The following STXBP5 variants were observed in gnomAD, a reference collection of about 807,000 sequenced individuals.
The protein encoded by STXBP5 is syntaxin-binding protein 5.
In STXBP5, 50 loss-of-function variants were observed where a neutral mutation model predicts 152.4. That is an observed-to-expected ratio of 0.33 (90% CI 0.26 to 0.42). The LOEUF (loss-of-function observed/expected upper bound fraction) is 0.42, where lower values mean the gene tolerates loss of function less well. Ranked by LOEUF, STXBP5 falls within the 10% of genes least tolerant of loss-of-function variation. STXBP5 has a pLI of 1.00. For synonymous variants in STXBP5, 492 were observed against 494.7 expected, an observed-to-expected ratio of 0.99 and a Z score of 0.07; for missense variants, 1,167 against 1,388.6, an observed-to-expected ratio of 0.84 and a Z score of 2.54.
intron 10 of STXBP5, 58 bp downstream of exon 10, chr6:147,310,296 A>AG: frequency 1.5e-6 from 2 of 1,313,506 alleles, no homozygotes; most frequent in Non-Finnish European, 2.0e-6. Flanking sequence ...AAAAAAAAAA[A>AG]AAAGACCTAG....
chr6:147,310,305 AGGTTGTTT>A, intron 10 of STXBP5, 67 bp downstream of exon 10: 2 of 1,207,372 alleles, frequency 1.7e-6, no homozygotes, highest in Non-Finnish European at 2.1e-6. Context: ...AAAAAGACCT[AGGTTGTTT>A]AGATAAAACT....
At chr6:147,248,324 T>A (rs1209457729) in intron 4 of STXBP5, among the ~76,000 whole-genome samples, 1 of 151,694 alleles carries the variant, frequency 6.6e-6, no homozygotes, top group East Asian at 1.9e-4. Flanking sequence ...AATGAACTGA[T>A]AAACAGAATG....
chr6:147,345,318 G>A lies in STXBP5; in HGVS notation c.2254+5934G>A, dbSNP rs574425337. Among the ~76,000 whole-genome samples the A allele has an allele frequency of 1.1e-4, 16 of 152,256 alleles. No homozygotes were observed. The South Asian group carries it at 3.1e-3, about 30-fold the overall frequency. ...ACTCCTGGGATGTTTTAGCATGGGA[G>A]ATAGACATTGGTATTATTAGTTCTA... On this transcript the variant is annotated intron_variant, in intron 21 of 27. Coordinates refer to ENST00000321680, the MANE Select transcript of STXBP5 (RefSeq NM_001127715.4).
intron 21 of STXBP5, among the ~76,000 whole-genome samples, chr6:147,349,092 TATA>T: frequency 6.6e-6 from 1 of 152,090 alleles, no homozygotes; most frequent in Non-Finnish European, 1.5e-5. Context: ...AGTAAGAGAA[TATA>T]ATCTGATATA....
intron 11 of STXBP5, 114 bp downstream of exon 11, chr6:147,311,641 C>T: frequency 2.7e-6 from 2 of 746,246 alleles, no homozygotes; most frequent in Non-Finnish European, 2.1e-6. Context: ...ATATCCATAA[C>T]CTTGACCTCT....
intron 4 of STXBP5, among the ~76,000 whole-genome samples, chr6:147,252,877 G>A (rs1013073205): frequency 6.6e-6 from 1 of 152,098 alleles, no homozygotes; most frequent in African/African-American, 2.4e-5. Context: ...TTCCACCAGA[G>A]GTACAAAGAG....
intron 23 of STXBP5, among the ~76,000 whole-genome samples, chr6:147,361,500 G>A (rs1053645078): frequency 7.2e-5 from 11 of 152,204 alleles, no homozygotes; most frequent in Non-Finnish European, 1.5e-4. Flanking sequence ...TCATGTCATC[G>A]GTATTGGAGC....
chr6:147,227,629 T>C (rs1777784344), intron 2 of STXBP5, among the ~76,000 whole-genome samples: 1 of 152,214 alleles, frequency 6.6e-6, no homozygotes, highest in African/African-American at 2.4e-5. Flanking sequence ...CTGTCAATTA[T>C]GCATACTAGC....
intron 9 of STXBP5, 41 bp from the exon 10 acceptor site, chr6:147,310,043 T>C (rs763296612): frequency 7.4e-7 from 1 of 1,356,168 alleles, no homozygotes; most frequent in Non-Finnish European, 9.8e-7. Context: ...AAATTATCTT[T>C]ACTATGCCAT....
At chr6:147,372,406 CCTTTTTTTTTTTTTTTTTTTT>C (rs1562274987) in intron 25 of STXBP5, among the ~76,000 whole-genome samples, 1,810 of 39,044 alleles carry the variant, frequency 0.046, 279 homozygotes, top group Admixed American at 0.12. Context: ...CCGTCCTTTT[CCTTTTTTTTTTTTTTTTTTTT>C]TTTTTTTTTT....
chr6:147,213,865 A>G (rs1562412841), intron 2 of STXBP5, among the ~76,000 whole-genome samples: 1 of 152,162 alleles, frequency 6.6e-6, no homozygotes, highest in Non-Finnish European at 1.5e-5. Context: ...TTCACTATTA[A>G]TACCTTTTAG....
At chr6:147,251,902 T>G (rs1455513600) in intron 4 of STXBP5, among the ~76,000 whole-genome samples, 1 of 152,146 alleles carries the variant, frequency 6.6e-6, no homozygotes, top group East Asian at 1.9e-4. Flanking sequence ...GGCAGCAATA[T>G]TTGCTGTTCT....
intron 8 of STXBP5, among the ~76,000 whole-genome samples, chr6:147,288,055 T>C (rs1781078851): frequency 1.3e-5 from 2 of 152,294 alleles, no homozygotes; most frequent in South Asian, 4.1e-4. Context: ...GGCAGCCTTT[T>C]AGACCGCCAT....
chr6:147,213,477 T>TGTGCGCGCGCGCGCGCGCGCGCGCGC, intron 2 of STXBP5, among the ~76,000 whole-genome samples: 3 of 131,274 alleles, frequency 2.3e-5, no homozygotes, highest in Admixed American at 1.5e-4. Flanking sequence ...TGTGTGTGTG[T>TGTGCGCGCGCGCGCGCGCGCGCGCGC]GCGCGCGCAT....
intron 9 of STXBP5, among the ~76,000 whole-genome samples, chr6:147,306,265 A>G (rs145060183): frequency 1.6e-3 from 244 of 152,264 alleles, no homozygotes; most frequent in African/African-American, 5.5e-3. Flanking sequence ...GGTTTTGGGG[A>G]TGCAGAGCTA....
chr6:147,241,540 T>G (rs1778542484), intron 4 of STXBP5, among the ~76,000 whole-genome samples: 2 of 152,210 alleles, frequency 1.3e-5, no homozygotes, highest in Admixed American at 1.3e-4. Flanking sequence ...ATAACGATGT[T>G]ACACTCAGTG....
Position 147,239,186 on chromosome 6 carries a change from C to T in STXBP5, c.347C>T (p.Ala116Val), listed in dbSNP as rs1351079517. 3.1e-6 allele frequency: 5 copies of T among 1,613,194 alleles called. No individual in the cohort carries two copies. The highest frequency in any genetic ancestry group is 4.2e-6 in the Non-Finnish European group (5 of 1,179,502). ...FLINEGALVS[A>V]LADDTLHLWN... ...ATTTTTAAGGGAGCGCTTGTGAGTG[C>T]CTTGGCTGATGACACCTTACACTTA... is the stretch of plus-strand genomic sequence containing the variant. Residue 116 changes from alanine to valine, a missense_variant, in exon 4 of 28, where the codon GCC becomes GTC. Ala to Val is a moderately conservative substitution (Grantham distance 64). Transcript: ENST00000321680.
chr6:147,363,773 T>C, intron 24 of STXBP5, 69 bp downstream of exon 24: 1 of 1,519,748 alleles, frequency 6.6e-7, no homozygotes, highest in East Asian at 2.3e-5. Context: ...ACAGAATTGT[T>C]TAAAAGAAAT....
rs112169490 is a variant in STXBP5 at position 147,249,253 on chromosome 6, T to TA, written c.431+9995dup. Among the ~76,000 whole-genome samples, 806 of 143,192 alleles carry TA rather than the reference T, an allele frequency of 5.6e-3. 5 individuals are homozygous for TA. Among genetic ancestry groups the TA allele is most frequent in the African/African-American group, 0.016 (616 of 39,164 alleles). 93.9% of individuals were successfully genotyped at this position (143,192 alleles called of 152,430 possible). ...TTGTGATACCTTGTTACAAAATCAG[T>TA]AAAAAAAAAAAATACACCTGGTATT... is the stretch of plus-strand genomic sequence containing the variant. On this transcript the variant is annotated intron_variant, in intron 4 of 27. Transcript: ENST00000321680.
Sources: gnomAD v4.1 joint callset for allele counts (sites outside exome capture counted in the v4.1 genomes callset) on GRCh38, gnomAD v4.1.1 for gene constraint, MANE v1.5 for transcripts, NCBI Gene and HGNC (gene_info 2026-07-23, HGNC 2026-07-21) for gene names.